NAV3: variants seen among roughly 807,000 people sequenced by gnomAD.
NAV3 encodes neuron navigator 3, also known as pore membrane and/or filament interacting like protein 1.
A neutral mutation model predicts 244.7 loss-of-function variants in NAV3; 87 were observed. The ratio of observed to expected loss-of-function variants is 0.36; its 90% confidence interval spans 0.30 to 0.42. The LOEUF (loss-of-function observed/expected upper bound fraction) is 0.42. Among genes scored for constraint, NAV3 ranks in the 20% least tolerant of loss-of-function variants. The pLI, the probability that NAV3 is intolerant of heterozygous loss-of-function variation, is 1.00. For synonymous variants in NAV3, 1,126 were observed against 1,042.2 expected (o/e 1.08, Z -1.55); for missense variants, 2,663 against 2,893.3 (o/e 0.92, Z 1.83).
At chr12:77,637,979 A>G (rs1266721921) in intron 2 of NAV3, among the ~76,000 whole-genome samples, 1 of 152,200 alleles carries the variant, frequency 6.6e-6, no homozygotes, top group Non-Finnish European at 1.5e-5. Flanking sequence ...CTCAACAGGC[A>G]CTATTTGATG....
At chr12:77,988,178 A>C (rs1282590695) in intron 5 of NAV3, among the ~76,000 whole-genome samples, 1 of 152,208 alleles carries the variant, frequency 6.6e-6, no homozygotes, top group African/African-American at 2.4e-5. Context: ...TTCTGTTTAA[A>C]TGAAGATTCA....
chr12:77,672,550 ATG>A (rs892296352), intron 2 of NAV3, among the ~76,000 whole-genome samples: 14 of 151,242 alleles, frequency 9.3e-5, no homozygotes, highest in Admixed American at 3.3e-4. Flanking sequence ...GTGTGTGTGT[ATG>A]TGTGTGTGTG....
intron 11 of NAV3, among the ~76,000 whole-genome samples, chr12:78,058,790 T>G (rs1313505831): frequency 1.3e-5 from 2 of 152,138 alleles, no homozygotes; most frequent in Non-Finnish European, 2.9e-5. Context: ...TTGATACAAA[T>G]ACTAGGAAAT....
intron 2 of NAV3, among the ~76,000 whole-genome samples, chr12:77,636,611 A>G (rs1477064099): frequency 1.3e-5 from 2 of 152,194 alleles, no homozygotes; most frequent in Non-Finnish European, 2.9e-5. Flanking sequence ...ATCTAGAACT[A>G]GAAATACCAT....
At chr12:78,124,900 A>G (rs1955840070) in intron 16 of NAV3, among the ~76,000 whole-genome samples, 2 of 152,244 alleles carry the variant, frequency 1.3e-5, no homozygotes, top group African/African-American at 4.8e-5. Flanking sequence ...ATTAAGCTGT[A>G]AAAAGTACAT....
chr12:78,041,836 G>A (rs763792968), intron 9 of NAV3, among the ~76,000 whole-genome samples: 5 of 152,180 alleles, frequency 3.3e-5, no homozygotes, highest in Non-Finnish European at 7.4e-5. Context: ...TAAATAGTTA[G>A]CTATATTCCT....
intron 2 of NAV3, among the ~76,000 whole-genome samples, chr12:77,647,067 T>TACACACACACAC (rs3046395): frequency 1.3e-5 from 2 of 149,676 alleles, no homozygotes; most frequent in African/African-American, 4.9e-5. Context: ...CATATATATA[T>TACACACACACAC]ACACACACAC....
chr12:77,716,600 T>C (rs1472096622), intron 2 of NAV3, among the ~76,000 whole-genome samples: 2 of 152,026 alleles, frequency 1.3e-5, no homozygotes, highest in Non-Finnish European at 2.9e-5. Context: ...GCACTATAAA[T>C]ATAGAAGTAT....
At chr12:77,903,205 A>T (rs1885527018) in intron 1 of NAV3, among the ~76,000 whole-genome samples, 1 of 152,174 alleles carries the variant, frequency 6.6e-6, no homozygotes, top group Non-Finnish European at 1.5e-5. Context: ...AAGCCAAAAG[A>T]ACAAAGCTGG....
chr12:77,686,424 CT>C (rs10573795), intron 2 of NAV3, among the ~76,000 whole-genome samples: 72,613 of 113,478 alleles, frequency 0.64, 23,785 homozygotes, highest in East Asian at 0.9. Context: ...TTCTTTCTTT[CT>C]TTTTTTTTTT....
Position 78,116,903 on chromosome 12 carries a change from A to C in NAV3, c.2768A>C (p.Gln923Pro), listed in dbSNP as rs752508808. Residue 923 changes from glutamine (Q) to proline (P), a missense_variant and splice_region_variant, in exon 13 of 40, where the codon CAG becomes CCG. By Grantham distance (76) the Gln-to-Pro change is moderately conservative. Coordinates refer to ENST00000397909, the MANE Select transcript of NAV3 (RefSeq NM_001024383.2). ...ACCGTCCCCTCTAGGAAGAATACTC[A>C]GGTGAGAATTACCACCTTTCTTTTT... is the stretch of plus-strand genomic sequence containing the variant. Reference protein sequence around the residue: ...NITVPSRKNTQLRTDSEKRST... With the variant: ...NITVPSRKNTPLRTDSEKRST... The C allele has an allele frequency of 1.2e-5, 19 of 1,609,638 alleles. No individual in the cohort carries two copies. Among genetic ancestry groups the C allele is most frequent in the Non-Finnish European group, 1.6e-5 (19 of 1,177,272 alleles).
At chr12:78,115,724 C>T (rs1426516198) in intron 12 of NAV3, among the ~76,000 whole-genome samples, 3 of 151,954 alleles carry the variant, frequency 2.0e-5, no homozygotes, top group South Asian at 2.1e-4. Flanking sequence ...TAAATGCTTA[C>T]CATCGTGTTA....
intron 2 of NAV3, among the ~76,000 whole-genome samples, chr12:77,808,061 A>T (rs10859396): frequency 0.34 from 51,718 of 151,920 alleles, 10,164 homozygotes; most frequent in East Asian, 0.47. Flanking sequence ...TGGTTATTCT[A>T]GTTAGCAATT....
chr12:77,734,046 G>C (rs1388890168), intron 2 of NAV3, among the ~76,000 whole-genome samples: 3 of 151,804 alleles, frequency 2.0e-5, no homozygotes, highest in Admixed American at 6.6e-5. Flanking sequence ...TTAGAAAAGA[G>C]AGACAAAAAG....
chr12:77,883,385 C>T (rs1380670291), intron 1 of NAV3, among the ~76,000 whole-genome samples: 2 of 152,094 alleles, frequency 1.3e-5, no homozygotes, highest in East Asian at 3.9e-4. Flanking sequence ...GAGAGCTAAA[C>T]GTTGAGCACA....
At chr12:77,725,427 G>A (rs1876831168) in intron 2 of NAV3, among the ~76,000 whole-genome samples, 1 of 151,846 alleles carries the variant, frequency 6.6e-6, no homozygotes, top group Non-Finnish European at 1.5e-5. Context: ...TATTTTTCTG[G>A]ACATTTGCTG....
At chr12:78,108,705 G>A (rs367656390) in intron 12 of NAV3, among the ~76,000 whole-genome samples, 1 of 152,048 alleles carries the variant, frequency 6.6e-6, no homozygotes. Flanking sequence ...GTTCCTGGTT[G>A]ATCACTGGGA....
chr12:78,028,263 G>C (rs1301048164), intron 9 of NAV3, among the ~76,000 whole-genome samples: 2 of 152,156 alleles, frequency 1.3e-5, no homozygotes, highest in East Asian at 3.8e-4. Context: ...GGTTAAATAA[G>C]CAAAGATCTT....
At chr12:78,003,324 C>G (rs1873650501) in intron 7 of NAV3, among the ~76,000 whole-genome samples, 1 of 152,070 alleles carries the variant, frequency 6.6e-6, no homozygotes, top group African/African-American at 2.4e-5. Flanking sequence ...AGTGGCATAG[C>G]CACATTGTTT....
Sources: allele counts gnomAD v4.1 joint callset (sites outside exome capture counted in the v4.1 genomes callset), GRCh38; gene constraint gnomAD v4.1.1; transcripts MANE v1.5; gene names NCBI Gene and HGNC (gene_info 2026-07-23, HGNC 2026-07-21).